The following RHBDL3 variants were observed in gnomAD, a reference collection of about 807,000 sequenced individuals.
The protein encoded by RHBDL3 is rhomboid-related protein 3.
Under a neutral mutation model 48.2 loss-of-function variants are expected in RHBDL3, and 28 were observed. That is an observed-to-expected ratio of 0.58 (90% CI 0.43 to 0.80). RHBDL3 has a LOEUF of 0.80. Ranked by LOEUF, RHBDL3 falls within the 30% of genes least tolerant of loss-of-function variation. The pLI, the probability that RHBDL3 is intolerant of heterozygous loss-of-function variation, is 0.00. For missense variants in RHBDL3, 464 were observed against 542.7 expected, an observed-to-expected ratio of 0.85 and a Z score of 1.44; for synonymous variants, 208 against 232.3, an observed-to-expected ratio of 0.90 and a Z score of 0.95.
chr17:32,266,124 C>T lies in RHBDL3; in HGVS notation c.-66C>T, dbSNP rs1337795860. ...CTGGAGCGGCGCGGCCGCCGCGGCG[C>T]AAAGTTAGCCCGGCGCCCCGGGACG... On this transcript the variant is annotated 5_prime_UTR_variant, in exon 1 of 9. It introduces an in-frame stop codon into an upstream open reading frame of the 5' UTR. Coordinates refer to ENST00000269051, the MANE Select transcript of RHBDL3 (RefSeq NM_138328.3). 1.9e-6 allele frequency: 1 copy of T among 525,388 alleles called. No homozygotes were observed. Among genetic ancestry groups the T allele is most frequent in the East Asian group, 9.7e-5 (1 of 10,314 alleles). The allele number at this position is 525,388 out of a possible 1,614,324, so 32.5% of individuals were successfully genotyped here. A position where few individuals can be genotyped will look rare whatever the true frequency, so the allele number is the denominator to read the frequency against.
chr17:32,321,013 C>CCCGTG lies in RHBDL3; in HGVS notation c.1002_1006dup (p.Pro336ArgfsTer25). 6.2e-7 allele frequency: 1 copy of CCCGTG among 1,614,170 alleles called. No homozygotes were observed. Among genetic ancestry groups the CCCGTG allele is most frequent in the Non-Finnish European group, 8.5e-7 (1 of 1,180,040 alleles). On this transcript the variant is annotated frameshift_variant, in exon 9 of 9. Transcript: ENST00000269051. LOFTEE classifies it high-confidence loss of function. ...TCCGCTTCCACCCGTCGGCCTATCC[C>CCCGTG]CCGTGCCCTCACCCAAGCTTTGTGG...
intron 2 of RHBDL3, among the ~76,000 whole-genome samples, chr17:32,283,423 G>A (rs1010219664): frequency 2.8e-5 from 4 of 143,896 alleles, no homozygotes; most frequent in Admixed American, 7.3e-5. Context: ...CCAGGTTCAC[G>A]CCATACTCTC....
chr17:32,294,257 T>A, intron 4 of RHBDL3, 37 bp from the exon 5 acceptor site: 1 of 1,598,826 alleles, frequency 6.3e-7, no homozygotes, highest in Non-Finnish European at 8.5e-7. Context: ...TCCTGGGCAG[T>A]GTGCACCTAG....
intron 6 of RHBDL3, among the ~76,000 whole-genome samples, chr17:32,298,680 G>T (rs1356575600): frequency 6.6e-6 from 1 of 152,198 alleles, no homozygotes; most frequent in East Asian, 1.9e-4. Context: ...GTGGAGCCAG[G>T]TACCACCCTG....
intron 6 of RHBDL3, 62 bp from the exon 7 acceptor site, chr17:32,305,279 G>A: frequency 9.1e-7 from 1 of 1,103,326 alleles, no homozygotes; most frequent in East Asian, 2.4e-5. Context: ...CCAAGGCCTG[G>A]GGCTGGGTTG....
At chr17:32,313,515 A>C (rs1162536144) in intron 7 of RHBDL3, among the ~76,000 whole-genome samples, 1 of 152,064 alleles carries the variant, frequency 6.6e-6, no homozygotes, top group Non-Finnish European at 1.5e-5. Context: ...TGTCTCCAGA[A>C]CTCTTTTCAT....
At chr17:32,278,717 G>A (rs2039972363) in intron 2 of RHBDL3, among the ~76,000 whole-genome samples, 1 of 152,142 alleles carries the variant, frequency 6.6e-6, no homozygotes, top group Non-Finnish European at 1.5e-5. Flanking sequence ...TTCCTCTCCT[G>A]TAAAATGGAG....
intron 7 of RHBDL3, among the ~76,000 whole-genome samples, chr17:32,308,769 A>G (rs1184988835): frequency 6.6e-6 from 1 of 152,124 alleles, no homozygotes; most frequent in Non-Finnish European, 1.5e-5. Flanking sequence ...GTCGACCCAT[A>G]TGAAATGGCC....
chr17:32,317,260 T>A (rs1012269252), intron 8 of RHBDL3, among the ~76,000 whole-genome samples: 1 of 152,216 alleles, frequency 6.6e-6, no homozygotes, highest in Non-Finnish European at 1.5e-5. Flanking sequence ...GACAAATAAC[T>A]TCCTAACCTT....
chr17:32,322,181 A>T lies in RHBDL3; in HGVS notation c.*952A>T, dbSNP rs115369659. ...TGATGGGAAAGGTAACTGAGGCACGACAGCGCCTGCAGAGAAGGCATGGAG... is the reference window on the plus strand; with the variant it reads ...TGATGGGAAAGGTAACTGAGGCACGTCAGCGCCTGCAGAGAAGGCATGGAG... On this transcript the variant is annotated 3_prime_UTR_variant, in exon 9 of 9. Transcript: ENST00000269051. 2,442 of 152,576 alleles carry T rather than the reference A, an allele frequency of 0.016. 63 individuals carry two copies. The highest frequency in any genetic ancestry group is 0.054 in the African/African-American group (2,251 of 41,546). The allele number at this position is 152,576 out of a possible 1,614,324, so 9.5% of individuals were successfully genotyped here. A position where few individuals can be genotyped will look rare whatever the true frequency, so the allele number is the denominator to read the frequency against.
At chr17:32,281,394 T>C (rs189549141) in intron 2 of RHBDL3, among the ~76,000 whole-genome samples, 77 of 151,932 alleles carry the variant, frequency 5.1e-4, no homozygotes, top group Middle Eastern at 3.4e-3. Context: ...GGATTGGTGC[T>C]TGCTCCCAGG....
chr17:32,276,795 CCTTACTCCGGCCCT>C lies in RHBDL3; in HGVS notation c.136-7863_136-7850del, dbSNP rs1567763644. On this transcript the variant is annotated intron_variant, in intron 2 of 8. Transcript: ENST00000269051. ...CTAGCACCTTACTCCGGCCCTAGCA[CCTTACTCCGGCCCT>C]AGCACAGTACTCCGGCCCTAGCACC... Among the ~76,000 whole-genome samples the C allele has an allele frequency of 2.5e-3, 256 of 101,394 alleles. 1 individual carries two copies. The highest frequency in any genetic ancestry group is 8.4e-3 in the African/African-American group (112 of 13,302). 66.5% of individuals were successfully genotyped at this position (101,394 alleles called of 152,430 possible). A position where few individuals can be genotyped will look rare whatever the true frequency, so the allele number is the denominator to read the frequency against.
intron 7 of RHBDL3, among the ~76,000 whole-genome samples, chr17:32,308,102 C>G (rs115952148): frequency 2.6e-5 from 4 of 152,130 alleles, no homozygotes; most frequent in South Asian, 2.1e-4. Context: ...GCACGTTTGT[C>G]GAGAGAGGTG....
chr17:32,278,962 A>T (rs889853746), intron 2 of RHBDL3, among the ~76,000 whole-genome samples: 1 of 151,856 alleles, frequency 6.6e-6, no homozygotes, highest in Non-Finnish European at 1.5e-5. Context: ...CCCTGTCTCT[A>T]CAAAAAAATT....
At chr17:32,285,642 G>A (rs1176136750) in intron 3 of RHBDL3, among the ~76,000 whole-genome samples, 3 of 152,202 alleles carry the variant, frequency 2.0e-5, no homozygotes, top group African/African-American at 7.2e-5. Context: ...TGGGATGCAG[G>A]TGACATCAGT....
In RHBDL3 at chr17:32,284,748, G is replaced by A. The variant is rs2150708747; in HGVS notation, c.225G>A (p.Arg75=). The A allele has an allele frequency of 6.2e-7, 1 of 1,614,162 alleles. No homozygotes were observed. Among genetic ancestry groups the A allele is most frequent in the Non-Finnish European group, 8.5e-7 (1 of 1,180,014 alleles). ...SHSSKLDPHK[R]EVLLALADSH... ...GCTCCAAGCTGGACCCGCACAAAAGGGAGGTCCTCCTGGCTCTTGCCGACA... is the reference window on the plus strand; with the variant it reads ...GCTCCAAGCTGGACCCGCACAAAAGAGAGGTCCTCCTGGCTCTTGCCGACA... Residue 75 remains arginine (R), a synonymous_variant, in exon 3 of 9, where the codon AGG becomes AGA. Coordinates refer to ENST00000269051, the MANE Select transcript of RHBDL3 (RefSeq NM_138328.3).
At chr17:32,294,542 T>A in intron 5 of RHBDL3, 100 bp downstream of exon 5, 1 of 1,189,802 alleles carries the variant, frequency 8.4e-7, no homozygotes, top group Non-Finnish European at 1.1e-6. Flanking sequence ...TATTTTTATC[T>A]ATTTGGACAT....
chr17:32,308,826 G>T (rs1275636663), intron 7 of RHBDL3, among the ~76,000 whole-genome samples: 1 of 152,064 alleles, frequency 6.6e-6, no homozygotes, highest in Admixed American at 6.6e-5. Flanking sequence ...CCAGCACTTT[G>T]GGAGGCCGAG....
chr17:32,266,183 C>T lies in RHBDL3; in HGVS notation c.-7C>T, dbSNP rs1266138256. 1.5e-5 allele frequency: 18 copies of T among 1,194,308 alleles called. No individual in the cohort carries two copies. Among genetic ancestry groups the T allele is most frequent in the Non-Finnish European group, 1.0e-6 (1 of 958,398 alleles). The allele number at this position is 1,194,308 out of a possible 1,614,324, so 74.0% of individuals were successfully genotyped here. On this transcript the variant is annotated 5_prime_UTR_variant, in exon 1 of 9. Transcript: ENST00000269051. ...AGCCGCCGCCGCCCCCGGACCCCGT[C>T]TCGGCCATGGGCGAGCACCCCAGCC...
Sources: gnomAD v4.1 joint callset for allele counts (sites outside exome capture counted in the v4.1 genomes callset) on GRCh38, gnomAD v4.1.1 for gene constraint, MANE v1.5 for transcripts, NCBI Gene and HGNC (gene_info 2026-07-23, HGNC 2026-07-21) for gene names.